The following DOCK6 variants were observed in gnomAD, a reference collection of about 807,000 sequenced individuals.
The protein encoded by DOCK6 is dedicator of cytokinesis protein 6.
A neutral mutation model predicts 230.3 loss-of-function variants in DOCK6; 167 were observed. The observed-to-expected ratio is 0.73, with a 90% CI of 0.64 to 0.82. The LOEUF is 0.82. Ranked by LOEUF, DOCK6 falls within the 40% of genes least tolerant of loss-of-function variation. The pLI, the probability that DOCK6 is intolerant of heterozygous loss-of-function variation, is 0.00. For synonymous variants in DOCK6, 1,148 were observed against 1,185.0 expected (o/e 0.97, Z 0.64); for missense variants, 2,598 against 2,825.8 (o/e 0.92, Z 1.83).
chr19:11,227,255 T>C (rs1309627534), intron 24 of DOCK6, 82 bp downstream of exon 24: 1 of 1,558,344 alleles, frequency 6.4e-7, no homozygotes, highest in Non-Finnish European at 8.7e-7. Context: ...CAGGAGACAC[T>C]GGGCAGGATT....
intron 39 of DOCK6, 23 bp downstream of exon 39, chr19:11,208,663 G>A (rs1270712276): frequency 1.2e-6 from 2 of 1,601,968 alleles, no homozygotes; most frequent in South Asian, 1.1e-5. Context: ...CCCCTCTCCT[G>A]CACCCAGTCC....
intron 37 of DOCK6, 87 bp downstream of exon 37, chr19:11,211,689 C>A: frequency 1.8e-6 from 2 of 1,097,496 alleles, no homozygotes; most frequent in Non-Finnish European, 2.7e-6. Context: ...TCCCTCCTCA[C>A]CTCCTTAGAC....
intron 6 of DOCK6, among the ~76,000 whole-genome samples, chr19:11,250,335 A>G (rs898705445): frequency 7.0e-5 from 10 of 143,584 alleles, no homozygotes; most frequent in African/African-American, 2.1e-4. Flanking sequence ...TTTTTTTGAG[A>G]CAGAGTTTTG....
Position 11,202,660 on chromosome 19 carries a change from C to T in DOCK6, c.5285G>A (p.Gly1762Asp). The T allele has an allele frequency of 6.2e-7, 1 of 1,614,002 alleles. No homozygotes were observed. Among genetic ancestry groups the T allele is most frequent in the Non-Finnish European group, 8.5e-7 (1 of 1,179,906 alleles). Reference sequence around the variant, plus strand: ...CACAAACTCCTGCTCATCCAGGTCACCGAAGTGGGCGCCGTAGAAGCCCAC... The same window carrying T: ...CACAAACTCCTGCTCATCCAGGTCATCGAAGTGGGCGCCGTAGAAGCCCAC... Reference protein sequence around the residue: ...FRVGFYGAHFGDLDEQEFVYK... With the variant: ...FRVGFYGAHFDDLDEQEFVYK... The change falls in exon 42 of 48, where the codon GGT (glycine) becomes GAT (aspartate). Residue 1762 changes from glycine (G) to aspartate (D), a missense_variant. By Grantham distance (94) the Gly-to-Asp change is moderately conservative. Transcript: ENST00000294618. The surrounding 1 kb of genome is among the most constrained non-coding windows in gnomAD (Gnocchi z 5.3).
At chr19:11,255,626 T>A (rs1471249410) in intron 1 of DOCK6, among the ~76,000 whole-genome samples, 2 of 152,110 alleles carry the variant, frequency 1.3e-5, no homozygotes, top group East Asian at 3.9e-4. Flanking sequence ...CTTGCCCAAA[T>A]CTGCTGAGTG....
At chr19:11,245,975 C>A in intron 7 of DOCK6, 97 bp from the exon 8 acceptor site, 5 of 1,369,510 alleles carry the variant, frequency 3.7e-6, no homozygotes, top group Non-Finnish European at 5.0e-6. Context: ...GCATCTGACT[C>A]CCACTGGGCC....
intron 5 of DOCK6, chr19:11,251,628 G>T (rs2080118775): frequency 6.5e-6 from 1 of 153,850 alleles, no homozygotes; most frequent in Non-Finnish European, 1.4e-5. Flanking sequence ...GCTGAGGTGG[G>T]AGGATCGCTT....
rs1393319825 is a variant in DOCK6, at chr19:11,237,519, G to A, written c.2010C>T (p.Gly670=). 3 of 1,613,116 alleles carry A rather than the reference G, an allele frequency of 1.9e-6. No individual in the cohort carries two copies. The African/African-American group carries it at 4.0e-5, about 22-fold the overall frequency. Residue 670 remains glycine, a synonymous_variant, in exon 18 of 48, where the codon GGC becomes GGT. Transcript: ENST00000294618. ...PLLQHGRLRT[G]PFCLPVSVDQ... is the part of the protein sequence containing the mutation. ...CCACAGACACTGGGAGACAGAAGGGGCCGGTCCTCAGGCGCCCGTGCTGCA... is the reference window on the plus strand; with the variant it reads ...CCACAGACACTGGGAGACAGAAGGGACCGGTCCTCAGGCGCCCGTGCTGCA...
intron 22 of DOCK6, among the ~76,000 whole-genome samples, chr19:11,230,903 G>A (rs1454035154): frequency 6.6e-6 from 1 of 152,086 alleles, no homozygotes; most frequent in Non-Finnish European, 1.5e-5. Context: ...GGAACAGGAG[G>A]TCTGATGACA....
chr19:11,212,678 T>C (rs1479407349), intron 35 of DOCK6, among the ~76,000 whole-genome samples: 1 of 151,074 alleles, frequency 6.6e-6, no homozygotes, highest in Non-Finnish European at 1.5e-5. Context: ...TTCTCGTGTC[T>C]CAGCCTTCCA....
chr19:11,237,468 C>T lies in DOCK6; in HGVS notation c.2061G>A (p.Val687=). 1 of 1,613,548 alleles carries T rather than the reference C, an allele frequency of 6.2e-7. No homozygotes were observed. The highest frequency in any genetic ancestry group is 1.3e-5 in the African/African-American group (1 of 74,992). The change falls in exon 18 of 48, where the codon GTG becomes GTA. Residue 687 remains valine, a synonymous_variant. Coordinates refer to ENST00000294618, the MANE Select transcript of DOCK6 (RefSeq NM_020812.4). ...SVDQPPPSYS[V]LTPDVALPGM... The stretch of plus-strand genomic sequence containing the variant: ...CCAGGGCACATACATCGGGTGTGAG[C>T]ACGGAATAGCTGGGCGGCGGCTGGT...
chr19:11,253,389 A>G (rs1414797732), intron 2 of DOCK6, among the ~76,000 whole-genome samples: 1 of 152,034 alleles, frequency 6.6e-6, no homozygotes. Context: ...GATGGGGGAC[A>G]TCAGGAGGGA....
At position 11,236,137 on chromosome 19, in the gene DOCK6, C is replaced by T; in HGVS notation, c.2392+209G>A. 4.9e-6 allele frequency: 3 copies of T among 612,024 alleles called. No individual in the cohort carries two copies. The South Asian group carries it at 6.9e-5, about 14-fold the overall frequency. The allele number at this position is 612,024 out of a possible 1,614,324, so 37.9% of individuals were successfully genotyped here. A position where few individuals can be genotyped will look rare whatever the true frequency, so the allele number is the denominator to read the frequency against. On this transcript the variant is annotated intron_variant, in intron 20 of 47. Transcript: ENST00000294618. The surrounding 1 kb of genome is among the most constrained non-coding windows in gnomAD (Gnocchi z 5.2). Reference sequence around the variant, plus strand: ...TCAGGTGATCTGCCCGCCTCGGCCTCCCAAAGTGCTGGGATGACAGGCGTG... The same window carrying T: ...TCAGGTGATCTGCCCGCCTCGGCCTTCCAAAGTGCTGGGATGACAGGCGTG...
In DOCK6 at chr19:11,202,013, G is replaced by T. The variant is rs1371325569; in HGVS notation, c.5564C>A (p.Pro1855Gln). The T allele has an allele frequency of 6.2e-7, 1 of 1,614,066 alleles. No homozygotes were observed. The highest frequency in any genetic ancestry group is 1.1e-5 in the South Asian group (1 of 91,088). The part of the protein sequence containing the change: ...YGLRTFLFCT[P>Q]FTPDGRAHGE... Reference sequence around the variant, plus strand: ...GTGTGCGCGCCCATCCGGCGTGAACGGCGTGCAGAACAGGAATGTGCGAAG... The same window carrying T: ...GTGTGCGCGCCCATCCGGCGTGAACTGCGTGCAGAACAGGAATGTGCGAAG... Residue 1855 changes from proline (P) to glutamine (Q), a missense_variant, in exon 44 of 48, where the codon CCG (proline) becomes CAG (glutamine). Physicochemically the swap from Pro to Gln is moderately conservative, Grantham distance 76. Coordinates refer to ENST00000294618, the MANE Select transcript of DOCK6 (RefSeq NM_020812.4). This position sits in a 1 kb window ranked among gnomAD's most constrained non-coding sequence, Gnocchi z 5.3.
At chr19:11,207,131 C>T (rs926194238) in intron 39 of DOCK6, among the ~76,000 whole-genome samples, 5 of 152,138 alleles carry the variant, frequency 3.3e-5, no homozygotes, top group South Asian at 2.1e-4. Context: ...CTGCGCCCAG[C>T]CTGGGATTTG....
intron 28 of DOCK6, among the ~76,000 whole-genome samples, chr19:11,217,757 CAAAAAA>C (rs764367133): frequency 3.4e-5 from 3 of 89,518 alleles, no homozygotes; most frequent in Non-Finnish European, 4.6e-5. Flanking sequence ...CACTCTGTCT[CAAAAAA>C]AAAAAAAAAA....
At chr19:11,235,338 C>A (rs546150431) in intron 21 of DOCK6, among the ~76,000 whole-genome samples, 3 of 152,032 alleles carry the variant, frequency 2.0e-5, no homozygotes, top group Admixed American at 6.6e-5. Flanking sequence ...AACTCCTGAC[C>A]CCCTCAAGTG....
chr19:11,204,189 C>T lies in DOCK6; in HGVS notation c.5220+11G>A. On this transcript the variant is annotated intron_variant, in intron 40 of 47. Coordinates refer to ENST00000294618, the MANE Select transcript of DOCK6 (RefSeq NM_020812.4). ...TGAGGGTGGGGTCTGGGGAGGGGGT[C>T]CTGGGCCCACCTGGTGCATGATCTT... is the stretch of plus-strand genomic sequence containing the variant. The T allele has an allele frequency of 6.5e-7, 1 of 1,549,850 alleles. No homozygotes were observed. The highest frequency in any genetic ancestry group is 2.4e-5 in the East Asian group (1 of 40,930).
At chr19:11,221,776 CCA>C in intron 28 of DOCK6, 73 bp downstream of exon 28, 1 of 1,606,644 alleles carries the variant, frequency 6.2e-7, no homozygotes, top group South Asian at 1.1e-5. Flanking sequence ...CTGTGTTCTC[CCA>C]CCTTTACTAT....
Sources: allele counts gnomAD v4.1 joint callset (sites outside exome capture counted in the v4.1 genomes callset), GRCh38; gene constraint gnomAD v4.1.1; non-coding constraint Gnocchi (gnomAD v3.1); transcripts MANE v1.5; gene names NCBI Gene and HGNC (gene_info 2026-07-23, HGNC 2026-07-21).